The following STPG2 variants were observed in gnomAD, a reference collection of about 807,000 sequenced individuals.
The protein encoded by STPG2 is sperm tail PG-rich repeat containing 2.
Under a neutral mutation model 54.2 loss-of-function variants are expected in STPG2, and 56 were observed. That is an observed-to-expected ratio of 1.03 (90% CI 0.83 to 1.29). The LOEUF is 1.29. Among genes scored for constraint, STPG2 ranks in the 50% most tolerant of loss-of-function variants. The pLI is 0.00. For synonymous variants in STPG2, 200 were observed against 181.8 expected, an observed-to-expected ratio of 1.10 and a Z score of -0.81; for missense variants, 596 against 544.9, an observed-to-expected ratio of 1.09 and a Z score of -0.93.
intron 6 of STPG2, among the ~76,000 whole-genome samples, chr4:97,976,199 A>T (rs1384271427): frequency 2.0e-5 from 3 of 152,172 alleles, no homozygotes; most frequent in Non-Finnish European, 4.4e-5. Flanking sequence ...CTAAGTGCTA[A>T]TATATATTAT....
intron 10 of STPG2, among the ~76,000 whole-genome samples, chr4:97,624,841 C>A (rs546032888): frequency 6.6e-6 from 1 of 152,250 alleles, no homozygotes; most frequent in Admixed American, 6.5e-5. Context: ...CTGTATATGG[C>A]TAGCCAGTTC....
downstream of STPG2, among the ~76,000 whole-genome samples, chr4:97,556,949 A>T (rs1348802341): frequency 6.6e-6 from 1 of 152,136 alleles, no homozygotes; most frequent in Non-Finnish European, 1.5e-5. Context: ...TTTGGGAGCC[A>T]AGGCAGGCAG....
chr4:97,677,308 C>T (rs1722882167), intron 10 of STPG2, among the ~76,000 whole-genome samples: 1 of 152,034 alleles, frequency 6.6e-6, no homozygotes, highest in Non-Finnish European at 1.5e-5. Context: ...ATAGCTCTAC[C>T]ATTTTCTTAG....
At chr4:97,635,348 C>T (rs1721474384) in intron 10 of STPG2, among the ~76,000 whole-genome samples, 1 of 152,212 alleles carries the variant, frequency 6.6e-6, no homozygotes, top group Non-Finnish European at 1.5e-5. Flanking sequence ...AAGCGCTAAA[C>T]ATGGAAAGGA....
At chr4:97,504,049 TTAAA>T (rs1730792873) in intron 4 of STPG2, among the ~76,000 whole-genome samples, 1 of 145,572 alleles carries the variant, frequency 6.9e-6, no homozygotes, top group South Asian at 2.1e-4. Flanking sequence ...TTATTTTTAT[TTAAA>T]TATTTTATTT....
intron 10 of STPG2, among the ~76,000 whole-genome samples, chr4:97,611,249 A>G (rs1234751198): frequency 6.6e-6 from 1 of 151,764 alleles, no homozygotes; most frequent in Admixed American, 6.6e-5. Flanking sequence ...GTGGTGGTCA[A>G]GAAAACCATG....
At chr4:97,658,242 A>C (rs1722273236) in intron 10 of STPG2, among the ~76,000 whole-genome samples, 1 of 152,246 alleles carries the variant, frequency 6.6e-6, no homozygotes, top group African/African-American at 2.4e-5. Context: ...CAATCTTTAA[A>C]TTTGAAATTG....
intron 8 of STPG2, among the ~76,000 whole-genome samples, chr4:97,868,634 G>C (rs185789001): frequency 6.6e-6 from 1 of 151,878 alleles, no homozygotes; most frequent in Non-Finnish European, 1.5e-5. Context: ...CTCACATAGA[G>C]TGTACTCCTT....
chr4:97,898,672 C>T (rs764746391), intron 8 of STPG2, among the ~76,000 whole-genome samples: 33 of 151,530 alleles, frequency 2.2e-4, no homozygotes, highest in Admixed American at 6.6e-4. Flanking sequence ...ACACTGCCTA[C>T]CATATAATTT....
chr4:97,862,972 T>C (rs1024578603), intron 8 of STPG2, among the ~76,000 whole-genome samples: 2 of 152,116 alleles, frequency 1.3e-5, no homozygotes, highest in Non-Finnish European at 2.9e-5. Context: ...TTTATAGCAC[T>C]AAATGCCCAC....
chr4:97,667,759 AATGATGGCAGGTG>A lies in STPG2; in HGVS notation c.1320+44927_1320+44939del, dbSNP rs1722572665. 2.0e-5 allele frequency among the ~76,000 whole-genome samples: 3 copies of A among 152,206 alleles called. No homozygotes were observed. In the South Asian group the frequency reaches 6.2e-4, roughly 31 times the overall value. Reference sequence around the variant, plus strand: ...ACATTTCAAGTAAGAAAATTTGGAAAATGATGGCAGGTGTCTACATTTTGCCATTCTCTCATTA... The same window carrying A: ...ACATTTCAAGTAAGAAAATTTGGAAATCTACATTTTGCCATTCTCTCATTA... On this transcript the variant is annotated intron_variant, in intron 10 of 10. Transcript: ENST00000295268.
At chr4:97,942,520 C>A (rs1033272968) in intron 8 of STPG2, among the ~76,000 whole-genome samples, 3 of 151,986 alleles carry the variant, frequency 2.0e-5, no homozygotes, top group Non-Finnish European at 4.4e-5. Context: ...TTACAAAAAT[C>A]TCATAGAATA....
chr4:98,025,494 T>C, intron 5 of STPG2: 2 of 575,698 alleles, frequency 3.5e-6, no homozygotes, highest in Admixed American at 4.1e-5. Context: ...AAACACTTAG[T>C]GATACAGGAT....
At chr4:97,690,292 G>A (rs886954021) in intron 10 of STPG2, among the ~76,000 whole-genome samples, 2 of 151,846 alleles carry the variant, frequency 1.3e-5, no homozygotes, top group South Asian at 2.1e-4. Context: ...TATCATATCC[G>A]AGTCAATTAT....
intron 9 of STPG2, among the ~76,000 whole-genome samples, chr4:97,749,018 C>T (rs1161176210): frequency 6.6e-6 from 1 of 151,524 alleles, no homozygotes; most frequent in Non-Finnish European, 1.5e-5. Flanking sequence ...TTTTGGGTGT[C>T]TGTTCTCTAG....
At chr4:97,547,741 A>C (rs1304901002) in intron 4 of STPG2, among the ~76,000 whole-genome samples, 1 of 152,202 alleles carries the variant, frequency 6.6e-6, no homozygotes, top group African/African-American at 2.4e-5. Flanking sequence ...AATTGATTGA[A>C]TAGGAGAGTT....
rs1578340927 is a variant in STPG2, at chr4:97,492,801, A to T, written c.462+219898T>A. 4.0e-5 allele frequency among the ~76,000 whole-genome samples: 6 copies of T among 151,212 alleles called. No individual in the cohort carries two copies. In the East Asian group the frequency reaches 1.2e-3, roughly 30 times the overall value. ...CATTATAACACCCAATGAGGTTAGA[A>T]GTTCAAATATCTATACTAATGTATT... On this transcript the variant is annotated intron_variant, in intron 4 of 4. Transcript: ENST00000522676.
chr4:98,101,200 T>C (rs1258759600), intron 5 of STPG2, among the ~76,000 whole-genome samples: 2 of 152,144 alleles, frequency 1.3e-5, no homozygotes, highest in Non-Finnish European at 2.9e-5. Flanking sequence ...TCTGTTCAGC[T>C]GCATTTAGGC....
intron 8 of STPG2, among the ~76,000 whole-genome samples, chr4:97,912,307 G>T (rs982630957): frequency 6.6e-6 from 1 of 152,138 alleles, no homozygotes; most frequent in African/African-American, 2.4e-5. Flanking sequence ...ACAGAACTGG[G>T]CTGAGGCTGA....
Sources: gnomAD v4.1 joint callset for allele counts (sites outside exome capture counted in the v4.1 genomes callset) on GRCh38, gnomAD v4.1.1 for gene constraint, MANE v1.5 for transcripts, NCBI Gene and HGNC (gene_info 2026-07-23, HGNC 2026-07-21) for gene names.